The following C11orf54 variants were observed in gnomAD, a reference collection of about 807,000 sequenced individuals.
The protein encoded by C11orf54 is beta-keto L-gulonate decarboxylase.
Under a neutral mutation model 35.5 loss-of-function variants are expected in C11orf54, and 29 were observed. That is an observed-to-expected ratio of 0.82 (90% CI 0.61 to 1.11). The LOEUF (loss-of-function observed/expected upper bound fraction) is 1.11. Ranked by LOEUF, C11orf54 falls within the 50% of genes most tolerant of loss-of-function variation. The pLI, the probability that C11orf54 is intolerant of heterozygous loss-of-function variation, is 0.00. For synonymous variants in C11orf54, 108 were observed against 121.1 expected (o/e 0.89, Z 0.71); for missense variants, 373 against 369.2 (o/e 1.01, Z -0.08).
In C11orf54 at chr11:93,763,761, G is replaced by GAA; in HGVS notation, c.*2082_*2083dup. The GAA allele has an allele frequency of 1.4e-5, 2 of 147,116 alleles. No homozygotes were observed. The highest frequency in any genetic ancestry group is 2.2e-4 in the South Asian group (1 of 4,626). 9.1% of individuals were successfully genotyped at this position (147,116 alleles called of 1,614,324 possible). ...ACACAGTGAGACCCTGTCTCAAAAA[G>GAA]AAAAAAAAAATGACTGATGAAGCCA... On this transcript the variant is annotated 3_prime_UTR_variant, in exon 9 of 9. Transcript: ENST00000354421.
At position 93,759,868 on chromosome 11, in the gene C11orf54, T is replaced by A; in HGVS notation, c.774+10T>A. On this transcript the variant is annotated intron_variant, in intron 8 of 8. Coordinates refer to ENST00000354421, the MANE Select transcript of C11orf54 (RefSeq NM_001286069.2). ...TGTCTCCAGAGACCCAGTAAGTCTG[T>A]GTCTGTTTTTTATATTATACTACAA... is the stretch of plus-strand genomic sequence containing the variant. The A allele has an allele frequency of 1.4e-6, 2 of 1,480,794 alleles. No individual in the cohort carries two copies. Among genetic ancestry groups the A allele is most frequent in the Non-Finnish European group, 1.9e-6 (2 of 1,069,094 alleles). 91.7% of individuals were successfully genotyped at this position (1,480,794 alleles called of 1,614,324 possible).
At chr11:93,755,988 G>A (rs1040021716) in intron 6 of C11orf54, among the ~76,000 whole-genome samples, 22 of 151,820 alleles carry the variant, frequency 1.4e-4, no homozygotes, top group African/African-American at 4.8e-4. Context: ...CCAACATAGC[G>A]AAACCTCGTC....
At chr11:93,750,653 CTT>C (rs1942765749) in intron 3 of C11orf54, among the ~76,000 whole-genome samples, 2 of 152,162 alleles carry the variant, frequency 1.3e-5, no homozygotes, top group Non-Finnish European at 2.9e-5. Flanking sequence ...GTTTTATTCA[CTT>C]ATGTAACCTT....
intron 5 of C11orf54, among the ~76,000 whole-genome samples, chr11:93,754,638 C>A (rs1292711825): frequency 6.6e-6 from 1 of 151,398 alleles, no homozygotes; most frequent in Non-Finnish European, 1.5e-5. Context: ...TACAATTTGC[C>A]TAGTGTTCAA....
intron 7 of C11orf54, among the ~76,000 whole-genome samples, chr11:93,758,405 T>C (rs1943272643): frequency 1.3e-5 from 2 of 152,128 alleles, no homozygotes; most frequent in South Asian, 4.1e-4. Context: ...GGTCTCCCGC[T>C]CCACGGAGCA....
intron 1 of C11orf54, among the ~76,000 whole-genome samples, chr11:93,742,307 G>A (rs1942133485): frequency 6.7e-6 from 1 of 150,264 alleles, no homozygotes; most frequent in Non-Finnish European, 1.5e-5. Flanking sequence ...TTTTGAGACC[G>A]AGTTTCGCTC....
Position 93,750,436 on chromosome 11 carries a change from C to A in C11orf54, c.146C>A (p.Pro49His), listed in dbSNP as rs1335987333. 6.2e-7 allele frequency: 1 copy of A among 1,610,528 alleles called. No individual in the cohort carries two copies. The highest frequency in any genetic ancestry group is 2.2e-5 in the East Asian group (1 of 44,790). Residue 49 changes from proline (P) to histidine (H), a missense_variant, in exon 3 of 9, where the codon CCT becomes CAT. Physicochemically the swap from Pro to His is moderately conservative, Grantham distance 77. Coordinates refer to ENST00000354421, the MANE Select transcript of C11orf54 (RefSeq NM_001286069.2). ...PDLTKEPFTF[P>H]VKGICGKTRI... ...TTGACTAAGGAACCCTTTACCTTTC[C>A]TGTAAAAGGTAAGCAATTTTTGCAA...
chr11:93,750,937 G>A (rs1180095902), intron 3 of C11orf54, among the ~76,000 whole-genome samples: 1 of 152,176 alleles, frequency 6.6e-6, no homozygotes, highest in Admixed American at 6.5e-5. Flanking sequence ...ATGATAGATA[G>A]TTAGTTGATG....
rs60416724 is a variant in C11orf54 at position 93,742,287 on chromosome 11, AT to A, written c.-98+572del. ...GGTGGGGTTTTTTTCTCCCAAAGTAATTTTTTTTTTTTTGAGACCGAGTTTC... is the reference window on the plus strand; with the variant it reads ...GGTGGGGTTTTTTTCTCCCAAAGTAATTTTTTTTTTTTGAGACCGAGTTTC... On this transcript the variant is annotated intron_variant, in intron 1 of 8. Coordinates refer to ENST00000354421, the MANE Select transcript of C11orf54 (RefSeq NM_001286069.2). The A allele has an allele frequency of 1.6e-3, 233 of 145,814 alleles. 1 individual carries two copies. The highest frequency in any genetic ancestry group is 0.011 in the Middle Eastern group (3 of 284). 9.0% of individuals were successfully genotyped at this position (145,814 alleles called of 1,614,324 possible). A position where few individuals can be genotyped will look rare whatever the true frequency, so the allele number is the denominator to read the frequency against.
rs796082300 is a variant in C11orf54 at position 93,764,718 on chromosome 11, G to C, written c.*3030G>C. Reference sequence around the variant, plus strand: ...CCGTCTCAGCCTCTCAAATTGCTGGGATTACAGGCATGAGGCACTGCACCT... The same window carrying C: ...CCGTCTCAGCCTCTCAAATTGCTGGCATTACAGGCATGAGGCACTGCACCT... On this transcript the variant is annotated 3_prime_UTR_variant, in exon 9 of 9. Coordinates refer to ENST00000354421, the MANE Select transcript of C11orf54 (RefSeq NM_001286069.2). The C allele has an allele frequency of 2.6e-5, 4 of 152,248 alleles. No homozygotes were observed. The highest frequency in any genetic ancestry group is 9.6e-5 in the African/African-American group (4 of 41,528). The allele number at this position is 152,248 out of a possible 1,614,324, so 9.4% of individuals were successfully genotyped here.
chr11:93,756,157 ACTCTGTCT>A (rs1943137095), intron 6 of C11orf54, among the ~76,000 whole-genome samples: 1 of 36,562 alleles, frequency 2.7e-5, no homozygotes, highest in Non-Finnish European at 6.6e-5. Context: ...ACAAAGCAAG[ACTCTGTCT>A]CCAAAAAAAA....
intron 4 of C11orf54, 23 bp downstream of exon 4, chr11:93,753,778 T>G: frequency 6.2e-7 from 1 of 1,608,456 alleles, no homozygotes; most frequent in Non-Finnish European, 8.5e-7. Flanking sequence ...ACTCTGCATA[T>G]TCACATGAAG....
At chr11:93,751,910 A>C (rs1043385796) in intron 3 of C11orf54, among the ~76,000 whole-genome samples, 3 of 147,370 alleles carry the variant, frequency 2.0e-5, no homozygotes, top group Admixed American at 1.4e-4. Flanking sequence ...ACAGTGGCAC[A>C]ATCTTGGCTC....
Position 93,757,355 on chromosome 11 carries a change from A to G in C11orf54, c.547A>G (p.Asn183Asp). Residue 183 changes from asparagine (N) to aspartate (D), a missense_variant, in exon 7 of 9, where the codon AAC becomes GAC. Coordinates refer to ENST00000354421, the MANE Select transcript of C11orf54 (RefSeq NM_001286069.2). The part of the protein sequence containing the change: ...VKAKRRTGPL[N>D]FVTCMRETLE... ...AGCCAAAAGAAGAACTGGACCACTTAACTTTGTGACTTGTATGAGAGAGAC... is the reference window on the plus strand; with the variant it reads ...AGCCAAAAGAAGAACTGGACCACTTGACTTTGTGACTTGTATGAGAGAGAC... The G allele has an allele frequency of 6.3e-7, 1 of 1,598,302 alleles. No homozygotes were observed. Among genetic ancestry groups the G allele is most frequent in the Non-Finnish European group, 8.5e-7 (1 of 1,179,780 alleles).
intron 1 of C11orf54, among the ~76,000 whole-genome samples, chr11:93,742,313 C>T (rs1257200300): frequency 1.3e-5 from 2 of 148,966 alleles, no homozygotes; most frequent in African/African-American, 2.5e-5. Flanking sequence ...GACCGAGTTT[C>T]GCTCTTGTTG....
At chr11:93,756,298 T>C (rs893675249) in intron 6 of C11orf54, among the ~76,000 whole-genome samples, 7 of 134,380 alleles carry the variant, frequency 5.2e-5, no homozygotes, top group Admixed American at 2.5e-4. Context: ...CTGGGCAACA[T>C]GGCAAGACCC....
intron 5 of C11orf54, among the ~76,000 whole-genome samples, 163 bp downstream of exon 5, chr11:93,754,200 A>C (rs1943004766): frequency 6.6e-6 from 1 of 152,212 alleles, no homozygotes; most frequent in South Asian, 2.1e-4. Context: ...CTCCAACTGG[A>C]CTAACTGTAA....
chr11:93,753,774 C>A lies in C11orf54; in HGVS notation c.228+19C>A. ...AAAAAAAGTAAGTACTTTTACTCTG[C>A]ATATTCACATGAAGATTGTAGAAGT... On this transcript the variant is annotated intron_variant, in intron 4 of 8. Coordinates refer to ENST00000354421, the MANE Select transcript of C11orf54 (RefSeq NM_001286069.2). The A allele has an allele frequency of 6.2e-7, 1 of 1,607,926 alleles. No homozygotes were observed. The highest frequency in any genetic ancestry group is 8.5e-7 in the Non-Finnish European group (1 of 1,175,376).
Position 93,747,319 on chromosome 11 carries a change from T to A in C11orf54, c.-75T>A. 2 of 1,129,410 alleles carry A rather than the reference T, an allele frequency of 1.8e-6. No homozygotes were observed. The highest frequency in any genetic ancestry group is 2.5e-6 in the Non-Finnish European group (2 of 790,640). 70.0% of individuals were successfully genotyped at this position (1,129,410 alleles called of 1,614,324 possible). On this transcript the variant is annotated 5_prime_UTR_variant, in exon 2 of 9. Coordinates refer to ENST00000354421, the MANE Select transcript of C11orf54 (RefSeq NM_001286069.2). ...CAGAACAGAAACTGTTCATACTTGG[T>A]GCGCTGTGGACTCTTGTGATAATTA...
Sources: allele counts gnomAD v4.1 joint callset (sites outside exome capture counted in the v4.1 genomes callset), GRCh38; gene constraint gnomAD v4.1.1; transcripts MANE v1.5; gene names NCBI Gene and HGNC (gene_info 2026-07-23, HGNC 2026-07-21).